The following PHF24 variants were observed in gnomAD, a reference collection of about 807,000 sequenced individuals.
The protein encoded by PHF24 is Galpha inhibitory interacting protein.
In PHF24, 25 loss-of-function variants were observed where a neutral mutation model predicts 42.6. The ratio of observed to expected loss-of-function variants is 0.59; its 90% CI spans 0.43 to 0.82. The LOEUF (loss-of-function observed/expected upper bound fraction) is 0.82. Ranked by LOEUF, PHF24 falls within the 40% of genes least tolerant of loss-of-function variation. PHF24 has a pLI of 0.00. For synonymous variants in PHF24, 185 were observed against 204.8 expected (o/e 0.90, Z 0.83); for missense variants, 470 against 538.1 (o/e 0.87, Z 1.25).
At chr9:34,886,255 T>TAAAA in the PHF24 span, among the ~76,000 whole-genome samples, 10 of 137,454 alleles carry the variant, frequency 7.3e-5, no homozygotes, top group African/African-American at 1.6e-4. Flanking sequence ...TCTCCTGTCT[T>TAAAA]AAAAAAAAAA....
the PHF24 span, among the ~76,000 whole-genome samples, chr9:34,767,179 T>C: frequency 6.6e-6 from 1 of 152,252 alleles, no homozygotes; most frequent in Non-Finnish European, 1.5e-5. Flanking sequence ...GGAGGCAGTC[T>C]GCCCGTTCTC....
the PHF24 span, chr9:34,709,307 G>C: frequency 6.6e-7 from 1 of 1,524,852 alleles, no homozygotes; most frequent in Non-Finnish European, 9.0e-7. Context: ...GGGCCCCTGA[G>C]CATAGCCTCC....
chr9:34,701,616 G>C, the PHF24 span, among the ~76,000 whole-genome samples: 3 of 152,102 alleles, frequency 2.0e-5, no homozygotes, highest in Non-Finnish European at 4.4e-5. This position sits in a 1 kb window ranked among gnomAD's most constrained non-coding sequence, Gnocchi z 5.8. Flanking sequence ...CCGGCTCCCT[G>C]GCCCCGCCGT....
the PHF24 span, among the ~76,000 whole-genome samples, chr9:34,851,340 C>T: frequency 6.6e-5 from 10 of 152,214 alleles, no homozygotes; most frequent in African/African-American, 2.2e-4. Flanking sequence ...TGCCACCTTG[C>T]AGTTTGATCT....
the PHF24 span, among the ~76,000 whole-genome samples, chr9:34,746,407 C>T: frequency 6.6e-6 from 1 of 152,062 alleles, no homozygotes; most frequent in African/African-American, 2.4e-5. Flanking sequence ...ATATTAGCAA[C>T]CTAAACAAAA....
chr9:34,977,262 C>T lies in PHF24; in HGVS notation c.1010+19C>T, dbSNP rs374676356. On this transcript the variant is annotated intron_variant, in intron 6 of 7. Coordinates refer to ENST00000242315, the Ensembl canonical transcript of PHF24. The stretch of plus-strand genomic sequence containing the variant: ...GTGTCAGGTCTGCTCCTTACCAGTC[C>T]TGGTCCCCACTCAGCCTCTCCTCCT... 6.4e-6 allele frequency: 10 copies of T among 1,569,758 alleles called. No individual in the cohort carries two copies. The highest frequency in any genetic ancestry group is 5.5e-5 in the Admixed American group (3 of 54,538).
chr9:34,846,450 G>GT, the PHF24 span, among the ~76,000 whole-genome samples: 2 of 151,626 alleles, frequency 1.3e-5, no homozygotes, highest in Admixed American at 6.6e-5. Flanking sequence ...GGGGTTGTTT[G>GT]TTTTTTTCTT....
At chr9:34,914,779 CTTTGT>C in the PHF24 span, among the ~76,000 whole-genome samples, 2 of 151,336 alleles carry the variant, frequency 1.3e-5, no homozygotes, top group Admixed American at 1.3e-4. Flanking sequence ...CCTCTTTTTC[CTTTGT>C]TTTATTTTTC....
chr9:34,785,358 A>G, the PHF24 span, among the ~76,000 whole-genome samples: 1 of 152,364 alleles, frequency 6.6e-6, no homozygotes, highest in South Asian at 2.1e-4. Context: ...AAAGGGTCCG[A>G]AACTCTTAAT....
chr9:34,922,733 T>G, the PHF24 span: 1 of 1,582,454 alleles, frequency 6.3e-7, no homozygotes, highest in Non-Finnish European at 8.6e-7. Flanking sequence ...GTTCAATACT[T>G]GAGACGATGC....
the PHF24 span, among the ~76,000 whole-genome samples, chr9:34,882,874 G>A: frequency 9.9e-5 from 15 of 152,140 alleles, no homozygotes; most frequent in African/African-American, 2.9e-4. Flanking sequence ...TTTAAAGTTC[G>A]TGTGGAAGCA....
chr9:34,705,091 A>G, the PHF24 span, among the ~76,000 whole-genome samples: 29 of 151,802 alleles, frequency 1.9e-4, no homozygotes, highest in African/African-American at 6.5e-4. Context: ...AGTAGAAGTC[A>G]TTGTTTCCCT....
chr9:34,960,069 A>G (rs940599316), intron 1 of PHF24, among the ~76,000 whole-genome samples: 1 of 152,216 alleles, frequency 6.6e-6, no homozygotes, highest in Non-Finnish European at 1.5e-5. Context: ...CGCCAGACAT[A>G]GTGTTGCCTC....
exon 8 of PHF24, chr9:34,982,140 C>G (rs748940693): frequency 6.6e-6 from 1 of 152,214 alleles, no homozygotes; most frequent in African/African-American, 2.4e-5. Flanking sequence ...ATTCCAGTTT[C>G]TATAGCACTG....
chr9:34,695,970 T>G, the PHF24 span, among the ~76,000 whole-genome samples: 2 of 152,068 alleles, frequency 1.3e-5, no homozygotes, highest in Non-Finnish European at 2.9e-5. Flanking sequence ...ACACAAGTAA[T>G]CTGGAGCACG....
intron 5 of PHF24, 94 bp from the exon 6 acceptor site, chr9:34,976,989 G>A (rs748145756): frequency 5.1e-6 from 7 of 1,385,970 alleles, no homozygotes; most frequent in Non-Finnish European, 6.8e-6. Context: ...GCTTCTAAGG[G>A]AGGTTGCAAA....
chr9:34,909,517 A>G, the PHF24 span, among the ~76,000 whole-genome samples: 9 of 151,714 alleles, frequency 5.9e-5, no homozygotes, highest in Non-Finnish European at 1.2e-4. Flanking sequence ...TGTCTGTCAC[A>G]ATTTTACCAG....
the PHF24 span, among the ~76,000 whole-genome samples, chr9:34,887,418 T>C: frequency 6.6e-6 from 1 of 152,156 alleles, no homozygotes; most frequent in Non-Finnish European, 1.5e-5. Flanking sequence ...CCAGGCCTTA[T>C]ACCATGTGGC....
At chr9:34,856,334 A>G in the PHF24 span, among the ~76,000 whole-genome samples, 1 of 152,130 alleles carries the variant, frequency 6.6e-6, no homozygotes, top group African/African-American at 2.4e-5. Flanking sequence ...TGTTGTGATC[A>G]TTTGGAGAAG....
Sources: allele counts gnomAD v4.1 joint callset (sites outside exome capture counted in the v4.1 genomes callset), GRCh38; gene constraint gnomAD v4.1.1; non-coding constraint Gnocchi (gnomAD v3.1); transcripts MANE v1.5; gene names NCBI Gene and HGNC (gene_info 2026-07-23, HGNC 2026-07-21).